Variants in ZNF761 observed in about 807,000 individuals in gnomAD.
ZNF761 encodes the protein zinc finger protein 761.
Under a neutral mutation model 59.9 loss-of-function variants are expected in ZNF761, and 43 were observed. The observed-to-expected ratio is 0.72, with a 90% CI of 0.56 to 0.92. The LOEUF (loss-of-function observed/expected upper bound fraction) is 0.92, where lower values mean the gene tolerates loss of function less well. Among genes scored for constraint, ZNF761 ranks in the 40% least tolerant of loss-of-function variants. The pLI is 0.00. For synonymous variants in ZNF761, 294 were observed against 304.8 expected, an observed-to-expected ratio of 0.96 and a Z score of 0.37; for missense variants, 850 against 906.1, an observed-to-expected ratio of 0.94 and a Z score of 0.79.
intron 1 of ZNF761, among the ~76,000 whole-genome samples, chr19:53,439,218 CT>C (rs1276398779): frequency 6.7e-6 from 1 of 148,312 alleles, no homozygotes; most frequent in Non-Finnish European, 1.5e-5. Context: ...TTGCAGTGAG[CT>C]GAGATCGTGC....
In ZNF761 at chr19:53,456,685, C is replaced by G. The variant is rs1184074336; in HGVS notation, c.2178C>G (p.Thr726=). Reference sequence around the variant, plus strand: ...ACAAGTGTAATGAGTGTGGCAAGACCTTTAGTCAGAAGTCAAACCTTACAT... The same window carrying G: ...ACAAGTGTAATGAGTGTGGCAAGACGTTTAGTCAGAAGTCAAACCTTACAT... The part of the protein sequence containing the change: ...KPYKCNECGK[T]FSQKSNLTCH... The change falls in exon 5 of 5, where the codon ACC becomes ACG. Residue 726 remains threonine, a synonymous_variant. Coordinates refer to ENST00000684525, the MANE Select transcript of ZNF761 (RefSeq NM_001289951.2). 6.2e-7 allele frequency: 1 copy of G among 1,613,776 alleles called. No homozygotes were observed. Among genetic ancestry groups the G allele is most frequent in the Admixed American group, 1.7e-5 (1 of 59,984 alleles).
chr19:53,449,347 G>A (rs912592123), intron 3 of ZNF761, among the ~76,000 whole-genome samples, 165 bp from the exon 4 acceptor site: 1 of 151,900 alleles, frequency 6.6e-6, no homozygotes, highest in Non-Finnish European at 1.5e-5. Flanking sequence ...AAAAATTTTA[G>A]TAAAACACAA....
chr19:53,456,794 T>C lies in ZNF761; in HGVS notation c.*46T>C. ...ATCAACAAGCACACCTTGCAGGTCA[T>C]CATAGAATTCATACTGGGGAGAAAC... is the stretch of plus-strand genomic sequence containing the variant. On this transcript the variant is annotated 3_prime_UTR_variant, in exon 5 of 5. Coordinates refer to ENST00000684525, the MANE Select transcript of ZNF761 (RefSeq NM_001289951.2). The C allele has an allele frequency of 6.3e-7, 1 of 1,581,334 alleles. No individual in the cohort carries two copies. Among genetic ancestry groups the C allele is most frequent in the Non-Finnish European group, 8.7e-7 (1 of 1,153,636 alleles).
Position 53,456,902 on chromosome 19 carries a change from C to A in ZNF761, c.*154C>A. On this transcript the variant is annotated 3_prime_UTR_variant, in exon 5 of 5. Coordinates refer to ENST00000684525, the MANE Select transcript of ZNF761 (RefSeq NM_001289951.2). The stretch of plus-strand genomic sequence containing the variant: ...AGGAGAATTCATACTGGAGAGAAAG[C>A]TTATAAATGTGAAGAATGTCACAAA... 1 of 905,826 alleles carries A rather than the reference C, an allele frequency of 1.1e-6. No homozygotes were observed. The highest frequency in any genetic ancestry group is 1.7e-6 in the Non-Finnish European group (1 of 583,532). The allele number at this position is 905,826 out of a possible 1,614,324, so 56.1% of individuals were successfully genotyped here.
At position 53,435,335 on chromosome 19, in the gene ZNF761, G is replaced by A. The variant is rs578099594; in HGVS notation, c.-185+3307G>A. ...TTTTTTTTTTTTGAGATGGAGTTTT[G>A]CTCTTGTTGCCCAGTCTGGAGTGCA... On this transcript the variant is annotated intron_variant, in intron 1 of 4. Coordinates refer to ENST00000684525, the MANE Select transcript of ZNF761 (RefSeq NM_001289951.2). 3.6e-3 allele frequency among the ~76,000 whole-genome samples: 205 copies of A among 56,262 alleles called. 1 individual carries two copies. Among genetic ancestry groups the A allele is most frequent in the African/African-American group, 0.012 (193 of 15,722 alleles). 36.9% of individuals were successfully genotyped at this position (56,262 alleles called of 152,430 possible). A position where few individuals can be genotyped will look rare whatever the true frequency, so the allele number is the denominator to read the frequency against.
chr19:53,450,189 G>C (rs1044402361), intron 4 of ZNF761: 2 of 194,654 alleles, frequency 1.0e-5, no homozygotes, highest in African/African-American at 4.7e-5. Context: ...TGTAATCCCA[G>C]CTACTTGGGA....
In ZNF761 at chr19:53,455,271, G is replaced by A. The variant is rs772339880; in HGVS notation, c.764G>A (p.Arg255Gln). The A allele has an allele frequency of 6.2e-6, 10 of 1,614,046 alleles. No individual in the cohort carries two copies. Among genetic ancestry groups the A allele is most frequent in the Middle Eastern group, 1.6e-4 (1 of 6,084 alleles). The change falls in exon 5 of 5, where the codon CGA (arginine) becomes CAA (glutamine). Residue 255 changes from arginine (R) to glutamine (Q), a missense_variant. Arg to Gln is a conservative substitution (Grantham distance 43, BLOSUM62 1). Coordinates refer to ENST00000684525, the MANE Select transcript of ZNF761 (RefSeq NM_001289951.2). Reference protein sequence around the residue: ...DVCGKLFNQKRNLACHRRCHT... With the variant: ...DVCGKLFNQKQNLACHRRCHT... ...TGTGGCAAGCTCTTTAATCAGAAGC[G>A]AAACCTAGCATGCCATCGTAGATGT... is the stretch of plus-strand genomic sequence containing the variant.
At chr19:53,435,214 A>G (rs1187926253) in intron 1 of ZNF761, among the ~76,000 whole-genome samples, 2 of 151,206 alleles carry the variant, frequency 1.3e-5, no homozygotes, top group East Asian at 3.9e-4. Flanking sequence ...TTGGGGTTAT[A>G]ACATACATAA....
At chr19:53,441,804 C>A in intron 1 of ZNF761, 1 of 1,180,218 alleles carries the variant, frequency 8.5e-7, no homozygotes, top group Non-Finnish European at 1.2e-6. Flanking sequence ...AGAGAGGAGT[C>A]TGCAATGCCG....
chr19:53,450,992 CAAAA>C (rs34019664), intron 4 of ZNF761, among the ~76,000 whole-genome samples: 3 of 121,970 alleles, frequency 2.5e-5, no homozygotes, highest in Middle Eastern at 4.1e-3. Context: ...GACTCTGTCT[CAAAA>C]AAAAAAAAAA....
rs1207664352 is a variant in ZNF761, at chr19:53,455,158, T to C, written c.651T>C (p.Cys217=). The C allele has an allele frequency of 6.2e-7, 1 of 1,614,184 alleles. No individual in the cohort carries two copies. Among genetic ancestry groups the C allele is most frequent in the Non-Finnish European group, 8.5e-7 (1 of 1,180,032 alleles). ...ACATGAGAGAAAAATCTTTCCAATGTAATGAGAGTGGCAAAGCCTTTAATT... is the reference window on the plus strand; with the variant it reads ...ACATGAGAGAAAAATCTTTCCAATGCAATGAGAGTGGCAAAGCCTTTAATT... The part of the protein sequence containing the change: ...EVHMREKSFQ[C]NESGKAFNYS... Residue 217 remains cysteine, a synonymous_variant, in exon 5 of 5, where the codon TGT becomes TGC. Transcript: ENST00000684525.
chr19:53,442,593 C>T, intron 1 of ZNF761: 8 of 617,826 alleles, frequency 1.3e-5, no homozygotes, highest in South Asian at 8.6e-5. Context: ...TTTGCTTGAC[C>T]TGAATGAGAT....
chr19:53,450,860 G>C (rs2086215698), intron 4 of ZNF761, among the ~76,000 whole-genome samples: 1 of 152,036 alleles, frequency 6.6e-6, no homozygotes, highest in Non-Finnish European at 1.5e-5. Flanking sequence ...GCCGGACACT[G>C]TGATGGGCGC....
At chr19:53,432,279 G>C (rs1249551281) in intron 1 of ZNF761, among the ~76,000 whole-genome samples, 1 of 152,116 alleles carries the variant, frequency 6.6e-6, no homozygotes, top group Non-Finnish European at 1.5e-5. Context: ...TTTTCCTGCT[G>C]TAAACCTTTT....
Position 53,458,160 on chromosome 19 carries a change from T to C in ZNF761, c.*1412T>C, listed in dbSNP as rs1286120376. 6.4e-6 allele frequency: 1 copy of C among 156,036 alleles called. No individual in the cohort carries two copies. The highest frequency in any genetic ancestry group is 1.9e-4 in the East Asian group (1 of 5,280). 9.7% of individuals were successfully genotyped at this position (156,036 alleles called of 1,614,324 possible). A position where few individuals can be genotyped will look rare whatever the true frequency, so the allele number is the denominator to read the frequency against. On this transcript the variant is annotated 3_prime_UTR_variant, in exon 5 of 5. Transcript: ENST00000684525. ...CTGTATTGTGCAAATCCACTGACTATGTTACTTAGTTCCAGTAGTATTTTG... is the reference window on the plus strand; with the variant it reads ...CTGTATTGTGCAAATCCACTGACTACGTTACTTAGTTCCAGTAGTATTTTG...
rs1383396091 is a variant in ZNF761, at chr19:53,457,012, C to T, written c.*264C>T. 1.5e-6 allele frequency: 1 copy of T among 667,786 alleles called. No homozygotes were observed. The highest frequency in any genetic ancestry group is 2.6e-6 in the Non-Finnish European group (1 of 378,500). The allele number at this position is 667,786 out of a possible 1,614,324, so 41.4% of individuals were successfully genotyped here. On this transcript the variant is annotated 3_prime_UTR_variant, in exon 5 of 5. Coordinates refer to ENST00000684525, the MANE Select transcript of ZNF761 (RefSeq NM_001289951.2). ...AAAAATGTAAGAGTTTGTGACAAGG[C>T]TTTTGGGCATGATTCGCACCTGGCA...
Position 53,457,316 on chromosome 19 carries a change from A to G in ZNF761, c.*568A>G. On this transcript the variant is annotated 3_prime_UTR_variant, in exon 5 of 5. Transcript: ENST00000684525. ...TTCATCGGTGAACTCAACGCTGGAGAGAAACCTTACAAATGTCATGACTGT... is the reference window on the plus strand; with the variant it reads ...TTCATCGGTGAACTCAACGCTGGAGGGAAACCTTACAAATGTCATGACTGT... The G allele has an allele frequency of 2.5e-6, 1 of 407,698 alleles. No individual in the cohort carries two copies. The highest frequency in any genetic ancestry group is 1.9e-5 in the South Asian group (1 of 51,936). 25.3% of individuals were successfully genotyped at this position (407,698 alleles called of 1,614,324 possible). A position where few individuals can be genotyped will look rare whatever the true frequency, so the allele number is the denominator to read the frequency against.
At chr19:53,436,232 G>A (rs1206368108) in intron 1 of ZNF761, among the ~76,000 whole-genome samples, 2 of 152,160 alleles carry the variant, frequency 1.3e-5, no homozygotes, top group Non-Finnish European at 2.9e-5. Flanking sequence ...CATCCTATAT[G>A]AGTCCTAGAG....
Position 53,453,904 on chromosome 19 carries a change from T to TA in ZNF761, c.143-744dup, listed in dbSNP as rs201378053. 5.3e-3 allele frequency among the ~76,000 whole-genome samples: 800 copies of TA among 152,282 alleles called. 8 individuals carry two copies. The highest frequency in any genetic ancestry group is 0.017 in the African/African-American group (713 of 41,560). ...AAATATAAAAATAAAAAAAATGTTTTAATGTCACAACGTGCCTTTTCTTCA... is the reference window on the plus strand; with the variant it reads ...AAATATAAAAATAAAAAAAATGTTTTAAATGTCACAACGTGCCTTTTCTTCA... On this transcript the variant is annotated intron_variant, in intron 4 of 4. Transcript: ENST00000684525.
Sources: allele counts gnomAD v4.1 joint callset (sites outside exome capture counted in the v4.1 genomes callset), GRCh38; gene constraint gnomAD v4.1.1; transcripts MANE v1.5; gene names NCBI Gene and HGNC (gene_info 2026-07-23, HGNC 2026-07-21).